The following ABHD2 variants were observed in gnomAD, a reference collection of about 807,000 sequenced individuals.
ABHD2 encodes abhydrolase domain containing 2, acylglycerol lipase.
Under a neutral mutation model 48.1 loss-of-function variants are expected in ABHD2, and 20 were observed. That is an observed-to-expected ratio of 0.42 (90% CI 0.29 to 0.60). The LOEUF (loss-of-function observed/expected upper bound fraction) is 0.60, where lower values mean the gene tolerates loss of function less well. Ranked by LOEUF, ABHD2 falls within the 20% of genes least tolerant of loss-of-function variation. The probability of loss-of-function intolerance (pLI) is 0.24; values close to 1 mark genes in which losing one functional copy is unlikely to be tolerated. For synonymous variants in ABHD2, 209 were observed against 214.2 expected, an observed-to-expected ratio of 0.98 and a Z score of 0.21; for missense variants, 405 against 550.9, an observed-to-expected ratio of 0.74 and a Z score of 2.65.
the ABHD2 span, among the ~76,000 whole-genome samples, chr15:89,049,916 C>T: frequency 2.0e-5 from 3 of 152,266 alleles, no homozygotes; most frequent in African/African-American, 7.2e-5. Flanking sequence ...GCTCCTCCCC[C>T]GTATTTTTCT....
chr15:89,058,285 A>G, the ABHD2 span, among the ~76,000 whole-genome samples: 1 of 152,134 alleles, frequency 6.6e-6, no homozygotes, highest in Non-Finnish European at 1.5e-5. Context: ...ACTCCAGCTC[A>G]CACATCCAAG....
intron 6 of ABHD2, among the ~76,000 whole-genome samples, chr15:89,180,579 G>T (rs963258607): frequency 6.6e-6 from 1 of 152,198 alleles, no homozygotes; most frequent in Non-Finnish European, 1.5e-5. Flanking sequence ...GATTGACTCT[G>T]CCCCTGAAGG....
the ABHD2 span, among the ~76,000 whole-genome samples, chr15:89,059,009 C>T: frequency 2.6e-5 from 4 of 152,142 alleles, no homozygotes; most frequent in African/African-American, 9.7e-5. Context: ...GGGCTCTTTG[C>T]CTGAAATGAA....
Position 89,151,838 on chromosome 15 carries a change from A to T in ABHD2, c.356A>T (p.Glu119Val). Reference sequence around the variant, plus strand: ...TTCGACCTCTTCGAGCCCTTGGCTGAGCACTGTGTTGGAGGTGAGCTGCTT... The same window carrying T: ...TTCGACCTCTTCGAGCCCTTGGCTGTGCACTGTGTTGGAGGTGAGCTGCTT... ...STFDLFEPLA[E>V]HCVGDDITMV... Residue 119 changes from glutamate to valine, a missense_variant, in exon 4 of 11, where the codon GAG becomes GTG. Physicochemically the swap from Glu to Val is moderately radical, Grantham distance 121 (BLOSUM62 -2). Transcript: ENST00000352732. This position sits in a 1 kb window ranked among gnomAD's most constrained non-coding sequence, Gnocchi z 4.7. 6.2e-7 allele frequency: 1 copy of T among 1,614,150 alleles called. No homozygotes were observed. Among genetic ancestry groups the T allele is most frequent in the Non-Finnish European group, 8.5e-7 (1 of 1,180,004 alleles).
chr15:89,079,991 T>C, the ABHD2 span, among the ~76,000 whole-genome samples: 1 of 152,178 alleles, frequency 6.6e-6, no homozygotes, highest in African/African-American at 2.4e-5. The surrounding 1 kb of genome is among the most constrained non-coding windows in gnomAD (Gnocchi z 4.3). Context: ...TTCGTAAACC[T>C]AGCCCCCAAT....
In ABHD2 at chr15:89,146,930, A is replaced by G. The variant is rs188919108; in HGVS notation, c.195-4747A>G. 2.6e-4 allele frequency among the ~76,000 whole-genome samples: 39 copies of G among 152,366 alleles called. No homozygotes were observed. In the East Asian group the frequency reaches 7.1e-3, roughly 28 times the overall value. ...TTATAGAACTAAACAAGCTAATCCT[A>G]TAATTAATCTGGAAAATAAAATGCT... is the stretch of plus-strand genomic sequence containing the variant. On this transcript the variant is annotated intron_variant, in intron 3 of 10. Coordinates refer to ENST00000352732, the MANE Select transcript of ABHD2 (RefSeq NM_152924.5). The surrounding 1 kb of genome is among the most constrained non-coding windows in gnomAD (Gnocchi z 4.2).
In ABHD2 at chr15:89,120,141, C is replaced by A. The variant is rs2092652788; in HGVS notation, c.194+3620C>A. ...TCGAGGAGCAGGGATTACTGTTTTC[C>A]CCCTCAGCATTAAAGTCAATTTGAA... is the stretch of plus-strand genomic sequence containing the variant. On this transcript the variant is annotated intron_variant, in intron 3 of 10. Coordinates refer to ENST00000352732, the MANE Select transcript of ABHD2 (RefSeq NM_152924.5). This position sits in a 1 kb window ranked among gnomAD's most constrained non-coding sequence, Gnocchi z 4.2. Among the ~76,000 whole-genome samples the A allele has an allele frequency of 1.3e-5, 2 of 152,116 alleles. No homozygotes were observed. Among genetic ancestry groups the A allele is most frequent in the Admixed American group, 1.3e-4 (2 of 15,270 alleles).
chr15:89,050,039 A>G, the ABHD2 span, among the ~76,000 whole-genome samples: 1 of 152,230 alleles, frequency 6.6e-6, no homozygotes, highest in Non-Finnish European at 1.5e-5. Context: ...ACATTTTCAT[A>G]GGTCTAGTCT....
intron 1 of ABHD2, among the ~76,000 whole-genome samples, chr15:89,103,519 C>T (rs993836125): frequency 6.6e-6 from 1 of 152,184 alleles, no homozygotes; most frequent in African/African-American, 2.4e-5. Context: ...GTTCCAAAAC[C>T]TTCGCCCCTG....
At position 89,102,914 on chromosome 15, in the gene ABHD2, G is replaced by C. The variant is rs372031924; in HGVS notation, c.-106-10811G>C. Among the ~76,000 whole-genome samples, 1 of 152,250 alleles carries C rather than the reference G, an allele frequency of 6.6e-6. No homozygotes were observed. ...GGTGGGATTGCCCTTGGGCTTTAAA[G>C]AAGGCTGAGAAAACTTACTTCCAGA... On this transcript the variant is annotated intron_variant, in intron 1 of 10. Coordinates refer to ENST00000352732, the MANE Select transcript of ABHD2 (RefSeq NM_152924.5). The surrounding 1 kb of genome is among the most constrained non-coding windows in gnomAD (Gnocchi z 4.8).
intron 4 of ABHD2, among the ~76,000 whole-genome samples, chr15:89,154,855 C>G (rs1166467259): frequency 2.0e-5 from 3 of 152,150 alleles, no homozygotes; most frequent in African/African-American, 7.2e-5. Flanking sequence ...CAACCTAATG[C>G]ATATATATTG....
At chr15:89,130,548 C>G (rs904622027) in intron 3 of ABHD2, among the ~76,000 whole-genome samples, 27 of 152,116 alleles carry the variant, frequency 1.8e-4, no homozygotes, top group African/African-American at 6.3e-4. Flanking sequence ...TTGCTTATCA[C>G]TAGAGACAGA....
the ABHD2 span, among the ~76,000 whole-genome samples, chr15:89,063,702 T>C: frequency 1.3e-5 from 2 of 152,168 alleles, no homozygotes. Context: ...ACTAAGTACA[T>C]TCACATTGTT....
In ABHD2 at chr15:89,151,688, C is replaced by T. The variant is rs746588717; in HGVS notation, c.206C>T (p.Pro69Leu). Residue 69 changes from proline (P) to leucine (L), a missense_variant, in exon 4 of 11, where the codon CCG becomes CTG. Transcript: ENST00000352732. The surrounding 1 kb of genome is among the most constrained non-coding windows in gnomAD (Gnocchi z 4.7). ...CPLLTKEYIP[P>L]LIWGKSGHIQ... Reference sequence around the variant, plus strand: ...TGTCCTTTCTTTAGATACATTCCACCGTTGATCTGGGGGAAAAGTGGACAC... The same window carrying T: ...TGTCCTTTCTTTAGATACATTCCACTGTTGATCTGGGGGAAAAGTGGACAC... The T allele has an allele frequency of 1.9e-6, 3 of 1,613,836 alleles. No individual in the cohort carries two copies. Among genetic ancestry groups the T allele is most frequent in the Non-Finnish European group, 2.5e-6 (3 of 1,179,818 alleles).
At chr15:89,056,837 A>T in the ABHD2 span, among the ~76,000 whole-genome samples, 1 of 151,558 alleles carries the variant, frequency 6.6e-6, no homozygotes, top group Non-Finnish European at 1.5e-5. Flanking sequence ...GTTTGTGTGC[A>T]GGCAGTCAGG....
At chr15:89,115,370 ATGTGTGTGTGTGTGTGTGTGTG>A (rs1164718189) in intron 2 of ABHD2, among the ~76,000 whole-genome samples, 79 of 100,688 alleles carry the variant, frequency 7.8e-4, no homozygotes, top group East Asian at 3.6e-3. Flanking sequence ...GTTTGGAGGT[ATGTGTGTGTGTGTGTGTGTGTG>A]TGTGTGTGTG....
chr15:89,111,596 G>A (rs1035171294), intron 1 of ABHD2, among the ~76,000 whole-genome samples: 5 of 152,190 alleles, frequency 3.3e-5, no homozygotes, highest in Non-Finnish European at 7.4e-5. Context: ...TTCCAGGGAT[G>A]CAAGAAGGGA....
chr15:89,126,081 A>T (rs919984162), intron 3 of ABHD2, among the ~76,000 whole-genome samples: 2 of 152,184 alleles, frequency 1.3e-5, no homozygotes, highest in Admixed American at 1.3e-4. Flanking sequence ...ATACCGCCCT[A>T]TTCATCATAC....
In ABHD2 at chr15:89,137,267, A is replaced by C. The variant is rs983116254; in HGVS notation, c.195-14410A>C. ...TGGTGTGCCTAGGGAGGATGTGACC[A>C]GTTCCGCGTGCTGTTTGTGAACAGG... On this transcript the variant is annotated intron_variant, in intron 3 of 10. Transcript: ENST00000352732. The surrounding 1 kb of genome is among the most constrained non-coding windows in gnomAD (Gnocchi z 4.8). Among the ~76,000 whole-genome samples, 25 of 152,320 alleles carry C rather than the reference A, an allele frequency of 1.6e-4. No individual in the cohort carries two copies. Among genetic ancestry groups the C allele is most frequent in the Admixed American group, 1.4e-3 (22 of 15,302 alleles).
Sources: allele counts gnomAD v4.1 joint callset (sites outside exome capture counted in the v4.1 genomes callset), GRCh38; gene constraint gnomAD v4.1.1; non-coding constraint Gnocchi (gnomAD v3.1); transcripts MANE v1.5; gene names NCBI Gene and HGNC (gene_info 2026-07-23, HGNC 2026-07-21).